Variants in GPC5 observed in about 807,000 individuals in gnomAD.
The protein encoded by GPC5 is glypican 5, also known as glypican-5.
A neutral mutation model predicts 53.9 loss-of-function variants in GPC5; 47 were observed. The ratio of observed to expected loss-of-function variants is 0.87; its 90% CI spans 0.69 to 1.11. GPC5 has a LOEUF of 1.11. Ranked by LOEUF, GPC5 falls within the 50% of genes most tolerant of loss-of-function variation. The pLI is 0.00. For synonymous variants in GPC5, 286 were observed against 263.3 expected (o/e 1.09, Z -0.84); for missense variants, 748 against 713.1 (o/e 1.05, Z -0.56).
At chr13:92,794,644 C>T (rs1566421810) in intron 7 of GPC5, among the ~76,000 whole-genome samples, 1 of 152,154 alleles carries the variant, frequency 6.6e-6, no homozygotes, top group Non-Finnish European at 1.5e-5. Context: ...CCCATCGTCT[C>T]AGCCAAAAAT....
intron 5 of GPC5, among the ~76,000 whole-genome samples, chr13:91,820,101 T>TTGG (rs1213214276): frequency 2.0e-5 from 3 of 152,058 alleles, no homozygotes; most frequent in African/African-American, 7.2e-5. Flanking sequence ...ATTGTCATTG[T>TTGG]TGGTGGTGGT....
chr13:92,454,142 C>A lies in GPC5; in HGVS notation c.1561+309153C>A, dbSNP rs72640220. 6.9e-3 allele frequency among the ~76,000 whole-genome samples: 1,047 copies of A among 152,244 alleles called. 12 individuals carry two copies. The highest frequency in any genetic ancestry group is 0.011 in the Non-Finnish European group (728 of 67,996). On this transcript the variant is annotated intron_variant, in intron 7 of 7. Coordinates refer to ENST00000377067, the MANE Select transcript of GPC5 (RefSeq NM_004466.6). ...TCATCAGGCATAGAACAAAACAAAA[C>A]AATACAAAAATAGCCCTGAAAATAC...
At chr13:92,268,924 T>A (rs2042821379) in intron 7 of GPC5, among the ~76,000 whole-genome samples, 1 of 152,118 alleles carries the variant, frequency 6.6e-6, no homozygotes, top group African/African-American at 2.4e-5. Context: ...ATATACGTTT[T>A]TATTAATTGT....
intron 5 of GPC5, among the ~76,000 whole-genome samples, chr13:91,766,371 C>T (rs192427246): frequency 1.4e-3 from 213 of 152,248 alleles, no homozygotes; most frequent in African/African-American, 4.7e-3. Context: ...ATGGGCATGT[C>T]GTGACTATTT....
chr13:92,247,467 G>T (rs2042661031), intron 7 of GPC5, among the ~76,000 whole-genome samples: 1 of 152,050 alleles, frequency 6.6e-6, no homozygotes. Context: ...TGCTGTTTAG[G>T]TTGCTGTTAA....
At chr13:92,569,309 C>T (rs917235712) in intron 7 of GPC5, among the ~76,000 whole-genome samples, 3 of 151,962 alleles carry the variant, frequency 2.0e-5, no homozygotes, top group Non-Finnish European at 4.4e-5. Context: ...CTATTGTTAA[C>T]TCCTTTGCAA....
chr13:92,818,107 G>A (rs1456155623), intron 7 of GPC5, among the ~76,000 whole-genome samples: 2 of 151,270 alleles, frequency 1.3e-5, no homozygotes, highest in Non-Finnish European at 2.9e-5. Context: ...CTGCCTTCTG[G>A]GTTCAAGTGA....
At chr13:92,673,813 T>C (rs538902654) in intron 7 of GPC5, among the ~76,000 whole-genome samples, 3 of 152,154 alleles carry the variant, frequency 2.0e-5, no homozygotes, top group Non-Finnish European at 4.4e-5. Context: ...TCTTAGAAAA[T>C]GGGTATTAGA....
At chr13:92,227,844 A>T (rs1039649281) in intron 7 of GPC5, among the ~76,000 whole-genome samples, 3 of 152,116 alleles carry the variant, frequency 2.0e-5, no homozygotes, top group African/African-American at 7.2e-5. Flanking sequence ...TAAATAAGGT[A>T]TAATTTTTGA....
intron 6 of GPC5, among the ~76,000 whole-genome samples, chr13:92,054,385 T>G (rs1036872764): frequency 7.9e-5 from 12 of 152,226 alleles, no homozygotes; most frequent in Admixed American, 1.3e-4. Flanking sequence ...GTGTGCATTC[T>G]TTCTGATTAC....
intron 7 of GPC5, among the ~76,000 whole-genome samples, chr13:92,637,410 A>T (rs1467924355): frequency 6.6e-6 from 1 of 152,200 alleles, no homozygotes; most frequent in Non-Finnish European, 1.5e-5. Context: ...GGAAACGATC[A>T]AGGGCAGGGT....
intron 6 of GPC5, among the ~76,000 whole-genome samples, chr13:92,021,395 G>A (rs1439756414): frequency 1.3e-5 from 2 of 152,204 alleles, no homozygotes; most frequent in African/African-American, 4.8e-5. Flanking sequence ...AATCCTGTGT[G>A]ATTCCACTTA....
In GPC5 at chr13:91,991,444, A is replaced by T. The variant is rs534191169; in HGVS notation, c.1401+83387A>T. 1.5e-3 allele frequency among the ~76,000 whole-genome samples: 229 copies of T among 152,346 alleles called. 1 individual carries two copies. In the Middle Eastern group the frequency reaches 0.051, roughly 34 times the overall value. The stretch of plus-strand genomic sequence containing the variant: ...TATTTTCCTTCTGAATGGTAGTTAT[A>T]CATACTTACTAGTACTATCTTTCAT... On this transcript the variant is annotated intron_variant, in intron 6 of 7. Coordinates refer to ENST00000377067, the MANE Select transcript of GPC5 (RefSeq NM_004466.6).
At chr13:92,045,632 C>G (rs1313766079) in intron 6 of GPC5, among the ~76,000 whole-genome samples, 3 of 151,974 alleles carry the variant, frequency 2.0e-5, no homozygotes, top group Non-Finnish European at 4.4e-5. Context: ...TTTCATGGTA[C>G]TTAAGATGCA....
intron 7 of GPC5, among the ~76,000 whole-genome samples, chr13:92,850,303 A>G (rs1241725672): frequency 2.0e-5 from 3 of 152,154 alleles, no homozygotes; most frequent in African/African-American, 7.2e-5. Context: ...AGATTCCTCT[A>G]AAGATAGAGG....
chr13:92,640,128 A>ATG, intron 7 of GPC5, among the ~76,000 whole-genome samples: 1 of 152,068 alleles, frequency 6.6e-6, no homozygotes, highest in Middle Eastern at 3.4e-3. Context: ...ATATATTTGC[A>ATG]TGTATATATA....
intron 2 of GPC5, among the ~76,000 whole-genome samples, chr13:91,620,738 T>C (rs945563405): frequency 4.6e-5 from 7 of 152,176 alleles, no homozygotes; most frequent in African/African-American, 1.7e-4. Flanking sequence ...TGTCACTTAA[T>C]GTTTAGAATT....
chr13:92,647,350 A>C (rs957555480), intron 7 of GPC5, among the ~76,000 whole-genome samples: 1 of 152,158 alleles, frequency 6.6e-6, no homozygotes, highest in Non-Finnish European at 1.5e-5. Context: ...TTCTGCATGT[A>C]TTGAGATCCT....
At position 91,587,920 on chromosome 13, in the gene GPC5, C is replaced by T. The variant is rs544451498; in HGVS notation, c.326-105267C>T. Among the ~76,000 whole-genome samples, 22 of 152,246 alleles carry T rather than the reference C, an allele frequency of 1.4e-4. 1 individual carries two copies. The South Asian group carries it at 4.3e-3, about 30-fold the overall frequency. ...TCTCCTGCATTGTATATTATGCTTG[C>T]TCTATGCTATTAAAGTAATGAGATT... On this transcript the variant is annotated intron_variant, in intron 2 of 7. Transcript: ENST00000377067.
Sources: gnomAD v4.1 joint callset for allele counts (sites outside exome capture counted in the v4.1 genomes callset) on GRCh38, gnomAD v4.1.1 for gene constraint, MANE v1.5 for transcripts, NCBI Gene and HGNC (gene_info 2026-07-23, HGNC 2026-07-21) for gene names.